Variants in HNMT observed in about 807,000 individuals in gnomAD.
HNMT encodes histamine N-methyltransferase.
Under a neutral mutation model 32.1 loss-of-function variants are expected in HNMT, and 30 were observed. The ratio of observed to expected loss-of-function variants is 0.93; its 90% CI spans 0.70 to 1.27. HNMT has a LOEUF of 1.27. HNMT is among the 50% of genes most tolerant of loss of function. The pLI is 0.00. For synonymous variants in HNMT, 125 were observed against 119.0 expected (o/e 1.05, Z -0.33); for missense variants, 327 against 346.0 (o/e 0.95, Z 0.43).
intron 2 of HNMT, among the ~76,000 whole-genome samples, chr2:137,994,674 T>C (rs1361008596): frequency 1.3e-5 from 2 of 152,212 alleles, no homozygotes; most frequent in Non-Finnish European, 2.9e-5. Flanking sequence ...GTGGACCTAG[T>C]AGACATCTAC....
intron 1 of HNMT, among the ~76,000 whole-genome samples, chr2:137,967,949 C>T (rs1265584063): frequency 1.3e-5 from 2 of 152,134 alleles, no homozygotes; most frequent in Non-Finnish European, 2.9e-5. Flanking sequence ...GTTTTCTATT[C>T]AATCAAATAA....
chr2:138,013,944 T>C lies in HNMT; in HGVS notation c.693T>C (p.Ile231=). 1 of 1,613,836 alleles carries C rather than the reference T, an allele frequency of 6.2e-7. No homozygotes were observed. The highest frequency in any genetic ancestry group is 8.5e-7 in the Non-Finnish European group (1 of 1,179,854). The change falls in exon 6 of 6, where the codon ATT becomes ATC. Residue 231 remains isoleucine (I), a synonymous_variant. Coordinates refer to ENST00000280097, the MANE Select transcript of HNMT (RefSeq NM_006895.3). The stretch of plus-strand genomic sequence containing the variant: ...CCATGGATATATCTGACTGCTTTAT[T>C]GATGGTAATGAAAATGGAGACCTGC... ...LSTMDISDCF[I]DGNENGDLLW... is the part of the protein sequence containing the mutation.
In HNMT at chr2:137,973,954, G is replaced by A. The variant is rs142748024; in HGVS notation, c.190+3737G>A. ...GTGCTTGGCACTTCAGTTTAGATGCGAAGCAATTATTAGGGCTCTGAGAAG... is the reference window on the plus strand; with the variant it reads ...GTGCTTGGCACTTCAGTTTAGATGCAAAGCAATTATTAGGGCTCTGAGAAG... On this transcript the variant is annotated intron_variant, in intron 2 of 5. Transcript: ENST00000280097. Among the ~76,000 whole-genome samples, 16 of 152,206 alleles carry A rather than the reference G, an allele frequency of 1.1e-4. No individual in the cohort carries two copies. In the East Asian group the frequency reaches 2.3e-3, roughly 22 times the overall value.
intron 5 of HNMT, among the ~76,000 whole-genome samples, chr2:138,007,947 T>G (rs1201671240): frequency 6.6e-6 from 1 of 151,942 alleles, no homozygotes; most frequent in African/African-American, 2.4e-5. Context: ...TCCTCTTAGT[T>G]CAGTGCTAAG....
In HNMT at chr2:137,975,514, T is replaced by C. The variant is rs4646321; in HGVS notation, c.190+5297T>C. 5.3e-5 allele frequency among the ~76,000 whole-genome samples: 8 copies of C among 152,262 alleles called. No homozygotes were observed. The East Asian group carries it at 1.5e-3, about 29-fold the overall frequency. ...TCCTTTTAACATAGTGAGTTTGGAG[T>C]CCCAGGATTTTATTTTCCTTTCACA... On this transcript the variant is annotated intron_variant, in intron 2 of 5. Transcript: ENST00000280097.
chr2:137,974,374 A>T (rs1680225029), intron 2 of HNMT, among the ~76,000 whole-genome samples: 1 of 152,190 alleles, frequency 6.6e-6, no homozygotes, highest in Non-Finnish European at 1.5e-5. Flanking sequence ...GGGTCCATCA[A>T]CATTGGTGCT....
chr2:137,968,605 C>A (rs904445686), intron 1 of HNMT, among the ~76,000 whole-genome samples: 2 of 152,202 alleles, frequency 1.3e-5, no homozygotes, highest in African/African-American at 4.8e-5. Context: ...GGGATTTCAA[C>A]TTGGGTGCTC....
rs528285684 is a variant in HNMT at position 138,002,829 on chromosome 2, T to A, written c.429+635T>A. 3 of 943,942 alleles carry A rather than the reference T, an allele frequency of 3.2e-6. No individual in the cohort carries two copies. The African/African-American group carries it at 5.3e-5, about 17-fold the overall frequency. 58.5% of individuals were successfully genotyped at this position (943,942 alleles called of 1,614,324 possible). A position where few individuals can be genotyped will look rare whatever the true frequency, so the allele number is the denominator to read the frequency against. On this transcript the variant is annotated intron_variant, in intron 4 of 5. Coordinates refer to ENST00000280097, the MANE Select transcript of HNMT (RefSeq NM_006895.3). ...ATAACATATTCTCTAGTGGCTCTAA[T>A]GGTTTGGGTGGACCAATGTCCCAGA... is the stretch of plus-strand genomic sequence containing the variant.
chr2:137,994,282 C>T (rs1017338671), intron 2 of HNMT, among the ~76,000 whole-genome samples: 5 of 152,170 alleles, frequency 3.3e-5, no homozygotes, highest in African/African-American at 1.2e-4. Flanking sequence ...TCAGGAGACC[C>T]ATCTCATGTG....
At chr2:137,968,293 T>C (rs1680021170) in intron 1 of HNMT, among the ~76,000 whole-genome samples, 1 of 152,204 alleles carries the variant, frequency 6.6e-6, no homozygotes, top group Non-Finnish European at 1.5e-5. Flanking sequence ...TTGATGTCAT[T>C]ATAATATGTG....
At chr2:137,997,553 G>A (rs938693695) in intron 2 of HNMT, among the ~76,000 whole-genome samples, 2 of 152,184 alleles carry the variant, frequency 1.3e-5, no homozygotes, top group African/African-American at 4.8e-5. Context: ...GGAGAGATAG[G>A]AGCACTTTTA....
At chr2:138,008,914 T>C (rs1681413046) in intron 5 of HNMT, among the ~76,000 whole-genome samples, 1 of 152,054 alleles carries the variant, frequency 6.6e-6, no homozygotes, top group Non-Finnish European at 1.5e-5. Flanking sequence ...TGGCATCTCA[T>C]TAAACTTAAG....
chr2:137,993,654 G>A lies in HNMT; in HGVS notation c.191-7264G>A, dbSNP rs375268948. 1.3e-4 allele frequency among the ~76,000 whole-genome samples: 20 copies of A among 152,088 alleles called. No homozygotes were observed. The East Asian group carries it at 2.3e-3, about 18-fold the overall frequency. On this transcript the variant is annotated intron_variant, in intron 2 of 5. Coordinates refer to ENST00000280097, the MANE Select transcript of HNMT (RefSeq NM_006895.3). Reference sequence around the variant, plus strand: ...CTCAATCTAGCAAGACTGCCAACATGCAAACTGAGGAAAAACAGAGAACAT... The same window carrying A: ...CTCAATCTAGCAAGACTGCCAACATACAAACTGAGGAAAAACAGAGAACAT...
intron 2 of HNMT, among the ~76,000 whole-genome samples, chr2:138,000,206 CCA>C (rs1214240595): frequency 6.6e-6 from 1 of 152,102 alleles, no homozygotes; most frequent in Non-Finnish European, 1.5e-5. Context: ...CCTCACTTCC[CCA>C]CAGTTTCTGG....
chr2:138,000,567 TA>T (rs5834601), intron 2 of HNMT, among the ~76,000 whole-genome samples: 152,004 of 152,058 alleles, frequency 1, 75,975 homozygotes, highest in Middle Eastern at 1. Flanking sequence ...CTCCAGTTGA[TA>T]AAAATCTTAA....
intron 1 of HNMT, among the ~76,000 whole-genome samples, chr2:137,966,016 T>G (rs1176710707): frequency 6.6e-6 from 1 of 152,236 alleles, no homozygotes; most frequent in Non-Finnish European, 1.5e-5. Context: ...ATGATCAGAT[T>G]CAGTGTCATT....
chr2:137,968,521 CAA>C (rs1218627906), intron 1 of HNMT, among the ~76,000 whole-genome samples: 1 of 152,160 alleles, frequency 6.6e-6, no homozygotes, highest in Non-Finnish European at 1.5e-5. Flanking sequence ...AATAATCCTA[CAA>C]GAGAGATGAT....
chr2:138,008,512 G>C (rs1234208544), intron 5 of HNMT, among the ~76,000 whole-genome samples: 1 of 151,792 alleles, frequency 6.6e-6, no homozygotes, highest in Non-Finnish European at 1.5e-5. Flanking sequence ...CCCAGTAATA[G>C]GTTTCCAAAC....
chr2:137,991,907 A>G (rs962625109), intron 2 of HNMT: 2 of 152,204 alleles, frequency 1.3e-5, no homozygotes, highest in African/African-American at 4.8e-5. Context: ...CCAGCAACCA[A>G]GGCATCCAGG....
Sources: allele counts gnomAD v4.1 joint callset (sites outside exome capture counted in the v4.1 genomes callset), GRCh38; gene constraint gnomAD v4.1.1; transcripts MANE v1.5; gene names NCBI Gene and HGNC (gene_info 2026-07-23, HGNC 2026-07-21).